CNTNAP2: variants seen among roughly 807,000 people sequenced by gnomAD.
CNTNAP2 encodes the protein contactin associated protein 2, also known as contactin-associated protein-like 2.
CNTNAP2 carries 98 observed loss-of-function variants against 155.2 expected under a neutral mutation model. The ratio of observed to expected loss-of-function variants is 0.63; its 90% confidence interval spans 0.54 to 0.75. CNTNAP2 has a LOEUF of 0.75. Ranked by LOEUF, CNTNAP2 falls within the 30% of genes least tolerant of loss-of-function variation. The pLI is 0.00. For missense variants in CNTNAP2, 1,727 were observed against 1,688.1 expected, an observed-to-expected ratio of 1.02 and a Z score of -0.40; for synonymous variants, 651 against 631.2, an observed-to-expected ratio of 1.03 and a Z score of -0.47.
At chr7:147,181,195 G>C (rs1304422535) in intron 8 of CNTNAP2, among the ~76,000 whole-genome samples, 2 of 152,050 alleles carry the variant, frequency 1.3e-5, no homozygotes, top group African/African-American at 4.8e-5. Flanking sequence ...AGTTTGAGCT[G>C]GGGGGACAGC....
intron 13 of CNTNAP2, among the ~76,000 whole-genome samples, chr7:147,783,512 C>G (rs1029898426): frequency 2.0e-5 from 3 of 152,128 alleles, no homozygotes; most frequent in African/African-American, 7.2e-5. Flanking sequence ...CACAAAGTGC[C>G]ACAAACTGGG....
chr7:147,073,739 C>T (rs1223851406), intron 4 of CNTNAP2, among the ~76,000 whole-genome samples: 2 of 152,108 alleles, frequency 1.3e-5, no homozygotes, highest in Non-Finnish European at 2.9e-5. Context: ...GGGATGAGCA[C>T]TGCTAAGAGA....
intron 1 of CNTNAP2, among the ~76,000 whole-genome samples, chr7:146,392,430 C>G (rs919681305): frequency 1.3e-5 from 2 of 151,872 alleles, no homozygotes; most frequent in African/African-American, 4.8e-5. Flanking sequence ...AAGGATGAAT[C>G]AAAATTAATT....
intron 9 of CNTNAP2, among the ~76,000 whole-genome samples, chr7:147,325,379 A>G (rs1289819696): frequency 1.3e-5 from 2 of 152,182 alleles, no homozygotes; most frequent in African/African-American, 4.8e-5. Context: ...GGTATAATAT[A>G]TCCATTTAAT....
intron 10 of CNTNAP2, among the ~76,000 whole-genome samples, chr7:147,457,554 T>C (rs6944237): frequency 0.76 from 115,367 of 150,878 alleles, 44,308 homozygotes; most frequent in African/African-American, 0.84. Context: ...GTTCAAGATA[T>C]GAGAGGTTTT....
chr7:146,533,948 G>A (rs1381794416), intron 1 of CNTNAP2, among the ~76,000 whole-genome samples: 2 of 151,976 alleles, frequency 1.3e-5, no homozygotes, highest in African/African-American at 4.8e-5. Context: ...TTAAAGTTAA[G>A]TTAGAAAAGC....
At chr7:147,230,293 C>T (rs865873235) in intron 8 of CNTNAP2, among the ~76,000 whole-genome samples, 9 of 152,044 alleles carry the variant, frequency 5.9e-5, no homozygotes, top group African/African-American at 1.9e-4. Context: ...GAGTCTCTCT[C>T]TGTCACCAGG....
chr7:148,271,469 A>C (rs937550089), intron 21 of CNTNAP2, among the ~76,000 whole-genome samples: 1 of 152,174 alleles, frequency 6.6e-6, no homozygotes, highest in African/African-American at 2.4e-5. Context: ...CCAGTTGAAA[A>C]CCACAGGCTT....
At chr7:147,124,934 G>A (rs1238511567) in intron 6 of CNTNAP2, among the ~76,000 whole-genome samples, 4 of 130,220 alleles carry the variant, frequency 3.1e-5, no homozygotes, top group African/African-American at 1.2e-4. Context: ...AGGCTGGAGT[G>A]CAGTGGCGCG....
At chr7:146,952,963 C>T (rs1797352782) in intron 3 of CNTNAP2, among the ~76,000 whole-genome samples, 2 of 152,164 alleles carry the variant, frequency 1.3e-5, no homozygotes, top group Admixed American at 6.5e-5. Context: ...TTGTAAGTGA[C>T]AGTCCTCTGA....
chr7:147,990,891 CT>C (rs1563159788), intron 15 of CNTNAP2, among the ~76,000 whole-genome samples: 1 of 152,064 alleles, frequency 6.6e-6, no homozygotes, highest in African/African-American at 2.4e-5. Context: ...GTTTAGCCCC[CT>C]TTTCCCCTCC....
chr7:147,122,845 G>A (rs187828778), intron 6 of CNTNAP2: 4 of 152,154 alleles, frequency 2.6e-5, no homozygotes, highest in Admixed American at 2.6e-4. Context: ...AATTGGAGAT[G>A]TATTCATATA....
intron 1 of CNTNAP2, among the ~76,000 whole-genome samples, chr7:146,424,522 C>A (rs979257022): frequency 4.6e-5 from 7 of 152,154 alleles, no homozygotes; most frequent in Admixed American, 4.6e-4. Context: ...CAGCAAACGC[C>A]TTCTGTCAAA....
intron 14 of CNTNAP2, 63 bp downstream of exon 14, chr7:147,903,784 T>C (rs1799915253): frequency 1.3e-6 from 2 of 1,582,846 alleles, no homozygotes; most frequent in Admixed American, 1.8e-5. Context: ...GTCAAACTCA[T>C]GTGATAGAAG....
chr7:146,311,157 C>G (rs548287006), intron 1 of CNTNAP2, among the ~76,000 whole-genome samples: 1 of 152,252 alleles, frequency 6.6e-6, no homozygotes, highest in Non-Finnish European at 1.5e-5. Context: ...AATGACACCA[C>G]ACAGTTTTTG....
chr7:146,772,619 A>T (rs1265562936), intron 1 of CNTNAP2, among the ~76,000 whole-genome samples: 1 of 152,060 alleles, frequency 6.6e-6, no homozygotes, highest in Non-Finnish European at 1.5e-5. Flanking sequence ...CAGTGAGCCG[A>T]GCTGGCGCCA....
intron 1 of CNTNAP2, among the ~76,000 whole-genome samples, chr7:146,688,774 G>A (rs925050839): frequency 6.6e-6 from 1 of 152,076 alleles, no homozygotes; most frequent in Non-Finnish European, 1.5e-5. Flanking sequence ...ATACCAATTG[G>A]AGAATGTTGC....
intron 13 of CNTNAP2, among the ~76,000 whole-genome samples, chr7:147,792,352 C>T (rs73460125): frequency 0.066 from 9,242 of 140,602 alleles, 315 homozygotes; most frequent in African/African-American, 0.1. Flanking sequence ...TCTCCGCCAA[C>T]TTCTCAGCCC....
intron 8 of CNTNAP2, among the ~76,000 whole-genome samples, chr7:147,203,756 G>A (rs1458199414): frequency 2.0e-5 from 3 of 152,072 alleles, no homozygotes; most frequent in Non-Finnish European, 4.4e-5. Flanking sequence ...ATTCAAATTT[G>A]CAAATGATAT....
Sources: allele counts gnomAD v4.1 joint callset (sites outside exome capture counted in the v4.1 genomes callset), GRCh38; gene constraint gnomAD v4.1.1; transcripts MANE v1.5; gene names NCBI Gene and HGNC (gene_info 2026-07-23, HGNC 2026-07-21).